FLNB: variants seen among roughly 807,000 people sequenced by gnomAD.
FLNB encodes filamin-B.
FLNB carries 111 observed loss-of-function variants against 250.6 expected under a neutral mutation model. The observed-to-expected ratio is 0.44, with a 90% CI of 0.38 to 0.52. FLNB has a LOEUF of 0.52. Among genes scored for constraint, FLNB ranks in the 20% least tolerant of loss-of-function variants. FLNB has a pLI of 0.00. For missense variants in FLNB, 2,869 were observed against 3,447.8 expected (o/e 0.83, Z 4.20); for synonymous variants, 1,302 against 1,372.1 (o/e 0.95, Z 1.13).
chr3:58,123,219 A>G lies in FLNB; in HGVS notation c.3253A>G (p.Ile1085Val). 6.2e-7 allele frequency: 1 copy of G among 1,614,030 alleles called. No homozygotes were observed. The highest frequency in any genetic ancestry group is 1.1e-5 in the South Asian group (1 of 91,066). The change falls in exon 21 of 46, where the codon ATC becomes GTC. Residue 1085 changes from isoleucine (I) to valine (V), a missense_variant. By Grantham distance (29) the Ile-to-Val change is conservative. Around this residue, in one of 5 missense-constraint regions of FLNB, gnomAD observed 1,348 missense variants for 1,466.7 expected, o/e 0.92. Transcript: ENST00000295956. ...LTVEGPCEAK[I>V]ECSDNGDGTC... The stretch of plus-strand genomic sequence containing the variant: ...GGTGGAAGGTCCGTGCGAGGCCAAA[A>G]TCGAGTGCTCCGACAATGGTGATGG...
chr3:58,105,501 C>T (rs2097258198), intron 11 of FLNB, among the ~76,000 whole-genome samples: 1 of 152,116 alleles, frequency 6.6e-6, no homozygotes. Context: ...GTTGACTGAC[C>T]TTTATAGTTT....
At chr3:58,076,969 A>C (rs1425737713) in intron 1 of FLNB, 77 bp from the exon 2 acceptor site, 1 of 1,497,248 alleles carries the variant, frequency 6.7e-7, no homozygotes, top group Non-Finnish European at 9.3e-7. Flanking sequence ...TGAAGACTCC[A>C]TTTACATTTA....
In FLNB at chr3:58,170,409, A is replaced by G. The variant is rs1228821180; in HGVS notation, c.7622-166A>G. On this transcript the variant is annotated intron_variant, in intron 45 of 45. Coordinates refer to ENST00000295956, the MANE Select transcript of FLNB (RefSeq NM_001457.4). Reference sequence around the variant, plus strand: ...AGTGGCAGGGCAGGGATTCGAACCCACACCGTCAGGCTCTATGAGCCTCTG... The same window carrying G: ...AGTGGCAGGGCAGGGATTCGAACCCGCACCGTCAGGCTCTATGAGCCTCTG... 4 of 662,032 alleles carry G rather than the reference A, an allele frequency of 6.0e-6. No homozygotes were observed. The Admixed American group carries it at 9.2e-5, about 15-fold the overall frequency. 41.0% of individuals were successfully genotyped at this position (662,032 alleles called of 1,614,324 possible). A position where few individuals can be genotyped will look rare whatever the true frequency, so the allele number is the denominator to read the frequency against.
chr3:58,088,031 G>C (rs4681785), intron 4 of FLNB, among the ~76,000 whole-genome samples: 12 of 138,912 alleles, frequency 8.6e-5, no homozygotes, highest in East Asian at 4.1e-4. Flanking sequence ...GAACCACGGC[G>C]CCCAGCCTTT....
In FLNB at chr3:58,148,442, GAATGGGTAGCAC is replaced by G. The variant is rs2097339456; in HGVS notation, c.5887+84_5887+95del. On this transcript the variant is annotated intron_variant, in intron 35 of 45. Transcript: ENST00000295956. ...GGGGACTCTTGCAGTCCTTTCTTGG[GAATGGGTAGCAC>G]AATGGAGTGTGATGTGATAAACCTG... 3 of 1,514,174 alleles carry G rather than the reference GAATGGGTAGCAC, an allele frequency of 2.0e-6. No individual in the cohort carries two copies. The African/African-American group carries it at 4.1e-5, about 21-fold the overall frequency. 93.8% of individuals were successfully genotyped at this position (1,514,174 alleles called of 1,614,324 possible).
At chr3:58,154,738 G>T in intron 39 of FLNB, 53 bp from the exon 40 acceptor site, 1 of 1,600,984 alleles carries the variant, frequency 6.2e-7, no homozygotes, top group Non-Finnish European at 8.5e-7. Context: ...GATGGAAGAG[G>T]GACAGGGGCT....
chr3:58,021,862 C>T (rs546228262), intron 1 of FLNB, among the ~76,000 whole-genome samples: 2 of 152,234 alleles, frequency 1.3e-5, no homozygotes, highest in South Asian at 4.1e-4. Context: ...GCAGCCTCGA[C>T]CTCCTTGGCT....
intron 25 of FLNB, 45 bp downstream of exon 25, chr3:58,130,953 GC>G: frequency 6.4e-7 from 1 of 1,571,974 alleles, no homozygotes; most frequent in South Asian, 1.1e-5. Context: ...TCTGCCCCAG[GC>G]AGGGGCAGCT....
chr3:58,100,111 A>C (rs1340514845), intron 8 of FLNB, among the ~76,000 whole-genome samples: 2 of 151,954 alleles, frequency 1.3e-5, no homozygotes, highest in Non-Finnish European at 2.9e-5. Context: ...GGTATGACCA[A>C]CTTTTCTCCC....
In FLNB at chr3:58,077,379, TCTTTG is replaced by T. The variant is rs2097203168; in HGVS notation, c.541+91_541+95del. The T allele has an allele frequency of 2.7e-6, 4 of 1,508,954 alleles. No individual in the cohort carries two copies. In the East Asian group the frequency reaches 6.8e-5, roughly 26 times the overall value. 93.5% of individuals were successfully genotyped at this position (1,508,954 alleles called of 1,614,324 possible). The stretch of plus-strand genomic sequence containing the variant: ...ATTCTGGTTTTCAACGGGAATGCTA[TCTTTG>T]CTTTGATTAGCGTATTTCTCCAGGT... On this transcript the variant is annotated intron_variant, in intron 2 of 45. Coordinates refer to ENST00000295956, the MANE Select transcript of FLNB (RefSeq NM_001457.4).
intron 1 of FLNB, among the ~76,000 whole-genome samples, chr3:58,046,048 TACCTTGGAGA>T (rs1358737631): frequency 7.6e-6 from 1 of 131,468 alleles, no homozygotes; most frequent in African/African-American, 2.7e-5. Flanking sequence ...TCTAATAGAA[TACCTTGGAGA>T]ACCTCAAGAT....
chr3:58,040,284 C>T (rs768626617), intron 1 of FLNB, among the ~76,000 whole-genome samples: 1 of 152,330 alleles, frequency 6.6e-6, no homozygotes, highest in Admixed American at 6.5e-5. Flanking sequence ...AGGACAGTAA[C>T]TGAAACTGCA....
At position 58,123,703 on chromosome 3, in the gene FLNB, TAA is replaced by T. The variant is rs56147140; in HGVS notation, c.3724+35_3724+36del. On this transcript the variant is annotated intron_variant, in intron 21 of 45. Coordinates refer to ENST00000295956, the MANE Select transcript of FLNB (RefSeq NM_001457.4). ...ATAGAAGGGAAAGGTGGGTTTCATT[TAA>T]AAAAAAAAAAAAAAAAAAAAAGACA... 180,472 of 1,067,508 alleles carry T rather than the reference TAA, an allele frequency of 0.17. 7 individuals carry two copies. The highest frequency in any genetic ancestry group is 0.3 in the East Asian group (10,768 of 35,360). 66.1% of individuals were successfully genotyped at this position (1,067,508 alleles called of 1,614,324 possible). A position where few individuals can be genotyped will look rare whatever the true frequency, so the allele number is the denominator to read the frequency against.
intron 31 of FLNB, among the ~76,000 whole-genome samples, chr3:58,143,259 G>T (rs987525952): frequency 2.6e-5 from 4 of 151,718 alleles, no homozygotes; most frequent in African/African-American, 4.8e-5. Context: ...TTTAAGAGTT[G>T]TCTGCTATAT....
chr3:58,109,815 C>T, intron 15 of FLNB, 116 bp downstream of exon 15: 1 of 1,455,806 alleles, frequency 6.9e-7, no homozygotes, highest in South Asian at 1.2e-5. Context: ...AGGTAATCAT[C>T]TACTGAGCCT....
intron 35 of FLNB, 75 bp from the exon 36 acceptor site, chr3:58,148,574 A>AT: frequency 7.3e-7 from 1 of 1,367,114 alleles, no homozygotes; most frequent in Non-Finnish European, 1.0e-6. Flanking sequence ...ACATATTTCT[A>AT]TTTCTGAGAG....
At chr3:58,137,228 T>C (rs779248713) in intron 28 of FLNB, among the ~76,000 whole-genome samples, 1 of 152,224 alleles carries the variant, frequency 6.6e-6, no homozygotes, top group Non-Finnish European at 1.5e-5. Context: ...ACGGCAAGGT[T>C]GTGAATTGCT....
intron 23 of FLNB, 103 bp from the exon 24 acceptor site, chr3:58,126,499 C>A: frequency 1.9e-6 from 2 of 1,067,810 alleles, no homozygotes; most frequent in South Asian, 1.3e-5. Context: ...GTTGGGGTGG[C>A]TACGTGGAAT....
chr3:58,106,547 A>T lies in FLNB; in HGVS notation c.1748-133A>T. 26 of 789,144 alleles carry T rather than the reference A, an allele frequency of 3.3e-5. No individual in the cohort carries two copies. The South Asian group carries it at 3.9e-4, about 12-fold the overall frequency. The allele number at this position is 789,144 out of a possible 1,614,324, so 48.9% of individuals were successfully genotyped here. A position where few individuals can be genotyped will look rare whatever the true frequency, so the allele number is the denominator to read the frequency against. ...CTTAATGAGCTTGGTTTTGGAAGAAAGGGATACAAACAGATTTCAATCTTC... is the reference window on the plus strand; with the variant it reads ...CTTAATGAGCTTGGTTTTGGAAGAATGGGATACAAACAGATTTCAATCTTC... On this transcript the variant is annotated intron_variant, in intron 11 of 45. Coordinates refer to ENST00000295956, the MANE Select transcript of FLNB (RefSeq NM_001457.4).
Sources: gnomAD v4.1 joint callset for allele counts (sites outside exome capture counted in the v4.1 genomes callset) on GRCh38, gnomAD v4.1.1 for gene constraint, gnomAD v4.1.1 regional missense constraint, MANE v1.5 for transcripts, NCBI Gene and HGNC (gene_info 2026-07-23, HGNC 2026-07-21) for gene names.